The following DTNB variants were observed in gnomAD, a reference collection of about 807,000 sequenced individuals.
DTNB encodes DTN-B.
A neutral mutation model predicts 90.7 loss-of-function variants in DTNB; 63 were observed. The ratio of observed to expected loss-of-function variants is 0.69; its 90% CI spans 0.57 to 0.86. The LOEUF (loss-of-function observed/expected upper bound fraction) is 0.86, where lower values mean the gene tolerates loss of function less well. Among genes scored for constraint, DTNB ranks in the 40% least tolerant of loss-of-function variants. The pLI is 0.00. For synonymous variants in DTNB, 277 were observed against 286.7 expected (o/e 0.97, Z 0.34); for missense variants, 744 against 807.1 (o/e 0.92, Z 0.95).
intron 3 of DTNB, 39 bp from the exon 4 acceptor site, chr2:25,628,423 G>A (rs370983095): frequency 1.8e-5 from 29 of 1,570,098 alleles, no homozygotes; most frequent in Non-Finnish European, 2.4e-5. Flanking sequence ...CAATTTTAAA[G>A]TGTGGTACTA....
At chr2:25,538,868 C>T (rs553259683) in intron 8 of DTNB, among the ~76,000 whole-genome samples, 1 of 152,298 alleles carries the variant, frequency 6.6e-6, no homozygotes, top group East Asian at 1.9e-4. Flanking sequence ...TAACACTATA[C>T]CCCACTCCCA....
chr2:25,464,120 G>A (rs1209722276), intron 10 of DTNB, among the ~76,000 whole-genome samples: 2 of 152,204 alleles, frequency 1.3e-5, no homozygotes, highest in African/African-American at 4.8e-5. Flanking sequence ...TGTTGGCCAG[G>A]CTGGTCTCGA....
chr2:25,457,037 T>C (rs546136019), intron 10 of DTNB, among the ~76,000 whole-genome samples: 1 of 152,052 alleles, frequency 6.6e-6, no homozygotes, highest in East Asian at 1.9e-4. Context: ...TGAGACGGAG[T>C]ATCACTCTGT....
intron 8 of DTNB, among the ~76,000 whole-genome samples, chr2:25,555,516 G>A (rs2057180733): frequency 1.3e-5 from 2 of 151,934 alleles, no homozygotes; most frequent in African/African-American, 4.8e-5. Context: ...AGCATAACTT[G>A]ATAAACAGGG....
intron 16 of DTNB, among the ~76,000 whole-genome samples, chr2:25,399,803 A>C (rs963466023): frequency 3.9e-5 from 6 of 152,222 alleles, no homozygotes; most frequent in African/African-American, 1.4e-4. Flanking sequence ...GAATCAGACA[A>C]GTGGGATATC....
chr2:25,569,823 C>T (rs957527938), intron 8 of DTNB, among the ~76,000 whole-genome samples: 5 of 152,084 alleles, frequency 3.3e-5, no homozygotes, highest in African/African-American at 1.2e-4. Flanking sequence ...GGTGGCCGGG[C>T]GTGGTGGCTC....
At chr2:25,432,190 C>T (rs931457320) in intron 14 of DTNB, among the ~76,000 whole-genome samples, 41 of 145,070 alleles carry the variant, frequency 2.8e-4, no homozygotes, top group African/African-American at 1.0e-3. Context: ...AATGTCTTAA[C>T]TTACAGAAGA....
At chr2:25,414,711 A>G (rs1482444829) in intron 16 of DTNB, among the ~76,000 whole-genome samples, 1 of 152,230 alleles carries the variant, frequency 6.6e-6, no homozygotes, top group African/African-American at 2.4e-5. Context: ...TCAAAATCTT[A>G]TAAAATTGGT....
chr2:25,413,848 T>C (rs1023754046), intron 16 of DTNB, among the ~76,000 whole-genome samples: 4 of 152,218 alleles, frequency 2.6e-5, no homozygotes, highest in African/African-American at 9.6e-5. Flanking sequence ...CCTTGAGGAA[T>C]TGCCACACCG....
At position 25,388,322 on chromosome 2, in the gene DTNB, C is replaced by A; in HGVS notation, c.1615G>T (p.Gly539Ter). Residue 539 changes from glycine (G) to a stop codon, truncating the protein, a stop_gained, in exon 17 of 21, where the codon GGA becomes TGA. Transcript: ENST00000406818. LOFTEE classifies it high-confidence loss of function. Reference sequence around the variant, plus strand: ...GGCATGGGCATTGGCCGGCCGCCTCCATGGGTGGGCGATGTATGTGGTGAC... The same window carrying A: ...GGCATGGGCATTGGCCGGCCGCCTCAATGGGTGGGCGATGTATGTGGTGAC... ...TGSPHTSPTH[G>*]GGRPMPMPVR... 1 of 1,613,050 alleles carries A rather than the reference C, an allele frequency of 6.2e-7. No homozygotes were observed. Among genetic ancestry groups the A allele is most frequent in the Non-Finnish European group, 8.5e-7 (1 of 1,179,276 alleles).
intron 18 of DTNB, among the ~76,000 whole-genome samples, chr2:25,384,937 G>A (rs1038854507): frequency 4.6e-5 from 7 of 151,144 alleles, no homozygotes; most frequent in African/African-American, 9.8e-5. Context: ...GGACTACAGC[G>A]GCGCGATCTT....
intron 12 of DTNB, among the ~76,000 whole-genome samples, chr2:25,443,062 G>A (rs1379038049): frequency 6.6e-6 from 1 of 152,116 alleles, no homozygotes; most frequent in Non-Finnish European, 1.5e-5. Flanking sequence ...GGAGACAAAA[G>A]GTGAGAGATC....
intron 12 of DTNB, among the ~76,000 whole-genome samples, chr2:25,448,749 G>A (rs1011844159): frequency 8.6e-5 from 13 of 151,516 alleles, no homozygotes; most frequent in Admixed American, 7.2e-4. Flanking sequence ...AGCTACTCAG[G>A]AGGCTGAGGC....
intron 9 of DTNB, among the ~76,000 whole-genome samples, chr2:25,508,155 T>G (rs1269382255): frequency 6.6e-6 from 1 of 152,190 alleles, no homozygotes; most frequent in Non-Finnish European, 1.5e-5. Flanking sequence ...GATTTTTGCC[T>G]GTTTCCCACC....
intron 4 of DTNB, among the ~76,000 whole-genome samples, chr2:25,613,209 A>G (rs2069128754): frequency 6.6e-6 from 1 of 152,076 alleles, no homozygotes; most frequent in Admixed American, 6.6e-5. Flanking sequence ...CTAGCCTCCC[A>G]AAGTGCTTGG....
intron 8 of DTNB, among the ~76,000 whole-genome samples, chr2:25,559,191 C>G (rs1391624687): frequency 1.3e-5 from 2 of 152,144 alleles, no homozygotes; most frequent in African/African-American, 4.8e-5. Flanking sequence ...TCCCCTCACG[C>G]GACCCCAATC....
At chr2:25,460,919 A>G (rs1331076607) in intron 10 of DTNB, among the ~76,000 whole-genome samples, 2 of 147,312 alleles carry the variant, frequency 1.4e-5, no homozygotes, top group Non-Finnish European at 3.0e-5. Context: ...TTTTTTTGAG[A>G]CGGAGTCTCA....
At chr2:25,513,509 G>A (rs2074363507) in intron 9 of DTNB, among the ~76,000 whole-genome samples, 1 of 152,008 alleles carries the variant, frequency 6.6e-6, no homozygotes, top group South Asian at 2.1e-4. Context: ...ATCACTTGGG[G>A]TCGGCAGTTT....
chr2:25,644,900 G>C (rs1400283055), intron 2 of DTNB, among the ~76,000 whole-genome samples: 1 of 152,076 alleles, frequency 6.6e-6, no homozygotes, highest in Admixed American at 6.5e-5. Flanking sequence ...TCCCACCAGA[G>C]AGGAAGATAC....
Sources: gnomAD v4.1 joint callset for allele counts (sites outside exome capture counted in the v4.1 genomes callset) on GRCh38, gnomAD v4.1.1 for gene constraint, MANE v1.5 for transcripts, NCBI Gene and HGNC (gene_info 2026-07-23, HGNC 2026-07-21) for gene names.